The following AFAP1L2 variants were observed in gnomAD, a reference collection of about 807,000 sequenced individuals.
AFAP1L2 encodes actin filament-associated protein 1-like 2.
In AFAP1L2, 46 loss-of-function variants were observed where a neutral mutation model predicts 99.3. That is an observed-to-expected ratio of 0.46 (90% CI 0.37 to 0.59). The LOEUF (loss-of-function observed/expected upper bound fraction) is 0.59. AFAP1L2 is among the 20% of genes least tolerant of loss of function. AFAP1L2 has a pLI of 0.00. For synonymous variants in AFAP1L2, 397 were observed against 419.1 expected, an observed-to-expected ratio of 0.95 and a Z score of 0.64; for missense variants, 959 against 1,034.9, an observed-to-expected ratio of 0.93 and a Z score of 1.01.
intron 6 of AFAP1L2, 40 bp from the exon 7 acceptor site, chr10:114,314,090 T>G (rs763642651): frequency 3.8e-6 from 6 of 1,582,014 alleles, no homozygotes; most frequent in Non-Finnish European, 5.2e-6. Context: ...TTGCCAGGGG[T>G]GCCGGGCGGA....
rs2040046808 is a variant in AFAP1L2 at position 114,295,365 on chromosome 10, A to G, written c.*677T>C. On this transcript the variant is annotated 3_prime_UTR_variant, in exon 19 of 19. Coordinates refer to ENST00000304129, the MANE Select transcript of AFAP1L2 (RefSeq NM_001001936.3). ...ATCACTTAAAATTTTATTTAAAGAC[A>G]GTTGATTCAGGCCTGCCTTGGACTG... is the stretch of plus-strand genomic sequence containing the variant. 1 of 985,678 alleles carries G rather than the reference A, an allele frequency of 1.0e-6. No individual in the cohort carries two copies. Among genetic ancestry groups the G allele is most frequent in the Non-Finnish European group, 1.2e-6 (1 of 829,744 alleles). The allele number at this position is 985,678 out of a possible 1,614,324, so 61.1% of individuals were successfully genotyped here. A position where few individuals can be genotyped will look rare whatever the true frequency, so the allele number is the denominator to read the frequency against.
intron 1 of AFAP1L2, among the ~76,000 whole-genome samples, chr10:114,381,225 C>A (rs1043210996): frequency 6.6e-6 from 1 of 152,312 alleles, no homozygotes; most frequent in South Asian, 2.1e-4. Flanking sequence ...CTGATACAGG[C>A]TTCAACTTGG....
At chr10:114,307,057 G>A (rs4918896) in intron 10 of AFAP1L2, among the ~76,000 whole-genome samples, 101,670 of 152,030 alleles carry the variant, frequency 0.67, 38,671 homozygotes, top group Non-Finnish European at 0.84. Flanking sequence ...TGTGGGACCC[G>A]CTTGGGGATC....
intron 1 of AFAP1L2, among the ~76,000 whole-genome samples, chr10:114,344,834 C>T (rs537945756): frequency 3.3e-5 from 5 of 152,258 alleles, no homozygotes; most frequent in East Asian, 3.9e-4. Flanking sequence ...CAGTGGCTCA[C>T]GTTTGTAATC....
At chr10:114,338,363 C>T (rs2048302690) in intron 2 of AFAP1L2, among the ~76,000 whole-genome samples, 1 of 152,204 alleles carries the variant, frequency 6.6e-6, no homozygotes, top group South Asian at 2.1e-4. Flanking sequence ...ATTTCCAGTT[C>T]TCAAACATCT....
chr10:114,401,505 G>A (rs371379138), intron 1 of AFAP1L2, among the ~76,000 whole-genome samples: 14 of 152,282 alleles, frequency 9.2e-5, no homozygotes, highest in African/African-American at 3.4e-4. Context: ...TGACATTTGC[G>A]AGAGCCTTAC....
At chr10:114,382,810 G>C (rs2055872898) in intron 1 of AFAP1L2, among the ~76,000 whole-genome samples, 1 of 151,986 alleles carries the variant, frequency 6.6e-6, no homozygotes, top group African/African-American at 2.4e-5. Context: ...GGTTAGGCTG[G>C]TCTCAAACTC....
chr10:114,327,147 T>TATATATATA (rs2046408453), intron 4 of AFAP1L2, among the ~76,000 whole-genome samples: 2 of 54,570 alleles, frequency 3.7e-5, no homozygotes, highest in Non-Finnish European at 9.7e-5. Context: ...TTATATATAT[T>TATATATATA]TATATATATA....
intron 1 of AFAP1L2, among the ~76,000 whole-genome samples, chr10:114,402,270 T>C (rs942571693): frequency 1.3e-5 from 2 of 152,162 alleles, no homozygotes; most frequent in Non-Finnish European, 2.9e-5. Flanking sequence ...ATGGGCTTCA[T>C]TTTGCATTTT....
intron 1 of AFAP1L2, among the ~76,000 whole-genome samples, chr10:114,361,850 A>T (rs766553305): frequency 4.6e-5 from 7 of 152,172 alleles, no homozygotes; most frequent in Non-Finnish European, 8.8e-5. Flanking sequence ...ATCCTGCTAT[A>T]ACCTAGAATT....
chr10:114,290,008 AAAG>A, downstream of AFAP1L2: 1 of 392,770 alleles, frequency 2.5e-6, no homozygotes, highest in South Asian at 4.8e-5. Context: ...AAAAAAAAAA[AAAG>A]TCTGCCATGT....
chr10:114,319,601 G>A (rs1243511879), intron 5 of AFAP1L2: 1 of 1,289,620 alleles, frequency 7.8e-7, no homozygotes, highest in East Asian at 5.5e-5. Context: ...TCGGGCACCT[G>A]CACCCATCTG....
At chr10:114,305,136 T>A (rs2041939833) in intron 10 of AFAP1L2, 1 of 447,554 alleles carries the variant, frequency 2.2e-6, no homozygotes, top group South Asian at 1.9e-5. Flanking sequence ...GGGACGCAGA[T>A]GCAGGAGGGG....
chr10:114,404,262 G>A (rs1263749500), intron 1 of AFAP1L2, among the ~76,000 whole-genome samples, 178 bp downstream of exon 1: 2 of 152,158 alleles, frequency 1.3e-5, no homozygotes, highest in Non-Finnish European at 1.5e-5. Context: ...CCACCTAGGA[G>A]CCCACCCGCC....
chr10:114,404,002 C>T (rs2138606264), intron 1 of AFAP1L2, among the ~76,000 whole-genome samples: 1 of 152,350 alleles, frequency 6.6e-6, no homozygotes, highest in South Asian at 2.1e-4. Flanking sequence ...CAGGAAGCCC[C>T]TAGCCCGGCG....
intron 1 of AFAP1L2, among the ~76,000 whole-genome samples, chr10:114,395,989 G>T (rs1382114923): frequency 6.6e-6 from 1 of 152,300 alleles, no homozygotes; most frequent in East Asian, 1.9e-4. Context: ...AAGACAATTA[G>T]AACTAAGGAT....
intron 4 of AFAP1L2, chr10:114,326,105 C>G (rs2046250624): frequency 8.2e-7 from 1 of 1,225,824 alleles, no homozygotes; most frequent in African/African-American, 1.5e-5. Flanking sequence ...GGGTCATCAT[C>G]ACCACAGGGT....
In AFAP1L2 at chr10:114,304,736, C is replaced by T. The variant is rs780968155; in HGVS notation, c.1267G>A (p.Glu423Lys). The T allele has an allele frequency of 6.2e-7, 1 of 1,608,442 alleles. No homozygotes were observed. The highest frequency in any genetic ancestry group is 8.5e-7 in the Non-Finnish European group (1 of 1,178,644). ...YSFRILHKGE[E>K]LAKLEAKSSE... is the part of the protein sequence containing the mutation. Reference sequence around the variant, plus strand: ...GGCGGTACCTCAAGCTTGGCCAGCTCCTCGCCCTTGTGGAGGATGCGGAAG... The same window carrying T: ...GGCGGTACCTCAAGCTTGGCCAGCTTCTCGCCCTTGTGGAGGATGCGGAAG... The change falls in exon 11 of 19, where the codon GAG becomes AAG. Residue 423 changes from glutamate (E) to lysine (K), a missense_variant. Physicochemically the swap from Glu to Lys is moderately conservative, Grantham distance 56. Around this residue, in one of 2 missense-constraint regions of AFAP1L2, gnomAD observed 576 missense variants for 562.1 expected, o/e 1.02. Coordinates refer to ENST00000304129, the MANE Select transcript of AFAP1L2 (RefSeq NM_001001936.3).
intron 4 of AFAP1L2, among the ~76,000 whole-genome samples, chr10:114,325,025 G>A (rs955339674): frequency 6.6e-6 from 1 of 152,094 alleles, no homozygotes; most frequent in Non-Finnish European, 1.5e-5. Flanking sequence ...AGGATACCAG[G>A]GTCCCCAGAG....
Sources: gnomAD v4.1 joint callset for allele counts (sites outside exome capture counted in the v4.1 genomes callset) on GRCh38, gnomAD v4.1.1 for gene constraint, gnomAD v4.1.1 regional missense constraint, MANE v1.5 for transcripts, NCBI Gene and HGNC (gene_info 2026-07-23, HGNC 2026-07-21) for gene names.